MYO1D: variants seen among roughly 807,000 people sequenced by gnomAD.
MYO1D encodes the protein unconventional myosin-Id.
Under a neutral mutation model 122.0 loss-of-function variants are expected in MYO1D, and 83 were observed. That is an observed-to-expected ratio of 0.68 (90% confidence interval 0.57 to 0.82). MYO1D has a LOEUF of 0.82. MYO1D is among the 40% of genes least tolerant of loss of function. The pLI is 0.00. For synonymous variants in MYO1D, 464 were observed against 446.9 expected, an observed-to-expected ratio of 1.04 and a Z score of -0.48; for missense variants, 1,157 against 1,269.5, an observed-to-expected ratio of 0.91 and a Z score of 1.35.
At chr17:32,658,826 AG>A (rs2088512681) in intron 17 of MYO1D, 1 of 370,200 alleles carries the variant, frequency 2.7e-6, no homozygotes, top group Non-Finnish European at 5.0e-6. Context: ...AGCTAATAAA[AG>A]TAAGTAGAAA....
At chr17:32,802,507 A>C (rs1269418076) in intron 1 of MYO1D, among the ~76,000 whole-genome samples, 2 of 152,254 alleles carry the variant, frequency 1.3e-5, no homozygotes, top group African/African-American at 4.8e-5. Context: ...AATCTGACTA[A>C]TCTGACAAAG....
At chr17:32,669,290 A>G (rs2088678113) in intron 16 of MYO1D, among the ~76,000 whole-genome samples, 1 of 152,218 alleles carries the variant, frequency 6.6e-6, no homozygotes, top group South Asian at 2.1e-4. Flanking sequence ...TCACCACCAG[A>G]GAGGAAGAGT....
chr17:32,579,508 G>T (rs894626952), intron 21 of MYO1D, among the ~76,000 whole-genome samples: 2 of 152,106 alleles, frequency 1.3e-5, no homozygotes, highest in African/African-American at 4.8e-5. Context: ...CTTTATTAAG[G>T]CATCACTGAC....
chr17:32,534,208 C>T (rs1279267124), intron 21 of MYO1D, among the ~76,000 whole-genome samples: 5 of 151,940 alleles, frequency 3.3e-5, no homozygotes, highest in Admixed American at 6.6e-5. Context: ...TCTCTGTCAC[C>T]AAGGCTGGAG....
chr17:32,572,267 C>A (rs1022140607), intron 21 of MYO1D, among the ~76,000 whole-genome samples: 2 of 152,006 alleles, frequency 1.3e-5, no homozygotes, highest in Non-Finnish European at 2.9e-5. Context: ...ACTTCTACAC[C>A]AGAGGCTGAG....
At chr17:32,692,767 T>C (rs536808876) in intron 16 of MYO1D, among the ~76,000 whole-genome samples, 29 of 152,332 alleles carry the variant, frequency 1.9e-4, no homozygotes, top group Admixed American at 1.5e-3. Flanking sequence ...GGATGGTTCC[T>C]GGACTTACAT....
At position 32,653,864 on chromosome 17, in the gene MYO1D, G is replaced by T; in HGVS notation, c.2574C>A (p.Leu858=). The T allele has an allele frequency of 1.2e-6, 2 of 1,613,744 alleles. No individual in the cohort carries two copies. The highest frequency in any genetic ancestry group is 1.6e-4 in the Middle Eastern group (1 of 6,062). Residue 858 remains leucine (L), a synonymous_variant, in exon 19 of 22, where the codon CTC becomes CTA. Coordinates refer to ENST00000318217, the MANE Select transcript of MYO1D (RefSeq NM_015194.3). ...LKRKDKYMNV[L]FSCHVRKVNR... Reference sequence around the variant, plus strand: ...TTACCTTACGGACGTGACAGGAAAAGAGGACATTCATGTATTTGTCCTTCC... The same window carrying T: ...TTACCTTACGGACGTGACAGGAAAATAGGACATTCATGTATTTGTCCTTCC...
At chr17:32,833,915 C>T (rs1018621922) in intron 1 of MYO1D, among the ~76,000 whole-genome samples, 3 of 151,962 alleles carry the variant, frequency 2.0e-5, no homozygotes, top group African/African-American at 7.3e-5. Flanking sequence ...CACCTCCGAA[C>T]ACTCCCTCTC....
intron 1 of MYO1D, among the ~76,000 whole-genome samples, chr17:32,810,612 G>A (rs751877385): frequency 1.1e-4 from 16 of 152,024 alleles, no homozygotes; most frequent in Admixed American, 3.9e-4. Flanking sequence ...AAGTAGCTGG[G>A]ATTACAGGCA....
chr17:32,702,301 C>T lies in MYO1D; in HGVS notation c.2121+9687G>A, dbSNP rs781054076. Among the ~76,000 whole-genome samples, 79 of 152,132 alleles carry T rather than the reference C, an allele frequency of 5.2e-4. 1 individual carries two copies. The highest frequency in any genetic ancestry group is 9.7e-4 in the Non-Finnish European group (66 of 68,026). On this transcript the variant is annotated intron_variant, in intron 16 of 21. Transcript: ENST00000318217. Reference sequence around the variant, plus strand: ...TGATTTATTGATAAAATCACATACCCTATTTTTGAATATTTTCATAATATT... The same window carrying T: ...TGATTTATTGATAAAATCACATACCTTATTTTTGAATATTTTCATAATATT...
chr17:32,575,631 A>AC (rs2087271837), intron 21 of MYO1D, among the ~76,000 whole-genome samples: 1 of 151,966 alleles, frequency 6.6e-6, no homozygotes, highest in South Asian at 2.1e-4. Flanking sequence ...CATGGACTTC[A>AC]CCCCCCATTC....
chr17:32,665,464 T>A (rs1221935206), intron 16 of MYO1D, among the ~76,000 whole-genome samples: 1 of 152,222 alleles, frequency 6.6e-6, no homozygotes, highest in Admixed American at 6.5e-5. Context: ...TTCTACTTCA[T>A]CTTCCAAGTC....
At chr17:32,744,937 T>C (rs1947237515) in intron 13 of MYO1D, among the ~76,000 whole-genome samples, 1 of 152,198 alleles carries the variant, frequency 6.6e-6, no homozygotes, top group African/African-American at 2.4e-5. Context: ...CTGCTGAGTA[T>C]ACTGGTAGGG....
chr17:32,551,269 C>T (rs1466153105), intron 21 of MYO1D, among the ~76,000 whole-genome samples: 2 of 152,118 alleles, frequency 1.3e-5, no homozygotes, highest in African/African-American at 4.8e-5. Flanking sequence ...ATGCTCAGAT[C>T]ATACATTTTG....
chr17:32,523,581 C>T lies in MYO1D; in HGVS notation c.2865-28666G>A, dbSNP rs114483809. Among the ~76,000 whole-genome samples the T allele has an allele frequency of 1.7e-3, 262 of 152,132 alleles. 2 individuals are homozygous for T. The highest frequency in any genetic ancestry group is 5.9e-3 in the African/African-American group (244 of 41,494). On this transcript the variant is annotated intron_variant, in intron 21 of 21. Coordinates refer to ENST00000318217, the MANE Select transcript of MYO1D (RefSeq NM_015194.3). Reference sequence around the variant, plus strand: ...CATTCAGTCTCATGACAAAACAGTGCCCGAGGAGCTTTACAATCGAGTGCC... The same window carrying T: ...CATTCAGTCTCATGACAAAACAGTGTCCGAGGAGCTTTACAATCGAGTGCC...
At chr17:32,839,972 T>C (rs1042549014) in intron 1 of MYO1D, among the ~76,000 whole-genome samples, 1 of 152,208 alleles carries the variant, frequency 6.6e-6, no homozygotes, top group African/African-American at 2.4e-5. Context: ...GCCGTCTCCT[T>C]TTAGAAAGAA....
chr17:32,832,246 G>T (rs1034682349), intron 1 of MYO1D, among the ~76,000 whole-genome samples: 1 of 150,812 alleles, frequency 6.6e-6, no homozygotes, highest in South Asian at 2.1e-4. Context: ...TCCACTGCTG[G>T]AACTACAGGC....
chr17:32,596,515 T>C (rs567010557), intron 21 of MYO1D, among the ~76,000 whole-genome samples: 14 of 152,354 alleles, frequency 9.2e-5, no homozygotes, highest in Middle Eastern at 3.4e-3. Flanking sequence ...ACTGCTGGCC[T>C]GCTTATCGGT....
At chr17:32,606,898 G>A (rs1162626532) in intron 20 of MYO1D, among the ~76,000 whole-genome samples, 4 of 152,318 alleles carry the variant, frequency 2.6e-5, no homozygotes, top group African/African-American at 4.8e-5. Context: ...GGTGGCTCAC[G>A]CCTGTAATCC....
Sources: gnomAD v4.1 joint callset for allele counts (sites outside exome capture counted in the v4.1 genomes callset) on GRCh38, gnomAD v4.1.1 for gene constraint, MANE v1.5 for transcripts, NCBI Gene and HGNC (gene_info 2026-07-23, HGNC 2026-07-21) for gene names.